BTBD9: variants seen among roughly 807,000 people sequenced by gnomAD.
BTBD9 encodes the protein BTB/POZ domain-containing protein 9.
In BTBD9, 49 loss-of-function variants were observed where a neutral mutation model predicts 64.3. That is an observed-to-expected ratio of 0.76 (90% CI 0.61 to 0.97). The LOEUF (loss-of-function observed/expected upper bound fraction) is 0.97. Among genes scored for constraint, BTBD9 ranks in the 50% least tolerant of loss-of-function variants. The probability of loss-of-function intolerance (pLI) is 0.00; values close to 1 mark genes in which losing one functional copy is unlikely to be tolerated. For synonymous variants in BTBD9, 260 were observed against 274.7 expected, an observed-to-expected ratio of 0.95 and a Z score of 0.53; for missense variants, 598 against 762.1, an observed-to-expected ratio of 0.78 and a Z score of 2.53.
chr6:38,580,014 A>G (rs1776217687), intron 5 of BTBD9, among the ~76,000 whole-genome samples: 1 of 152,258 alleles, frequency 6.6e-6, no homozygotes, highest in Admixed American at 6.5e-5. Flanking sequence ...ATAAACACAT[A>G]TTTTTATAAG....
intron 6 of BTBD9, among the ~76,000 whole-genome samples, chr6:38,533,054 G>C (rs1312739365): frequency 6.6e-6 from 1 of 151,758 alleles, no homozygotes; most frequent in African/African-American, 2.4e-5. Flanking sequence ...AATGATAACA[G>C]TGAATGTAAA....
At chr6:38,620,685 C>T (rs1239463285) in intron 1 of BTBD9, among the ~76,000 whole-genome samples, 1 of 152,172 alleles carries the variant, frequency 6.6e-6, no homozygotes, top group African/African-American at 2.4e-5. Flanking sequence ...CTAAGCTTAG[C>T]CAGAGTAACC....
chr6:38,370,629 A>C (rs563802066), intron 6 of BTBD9, among the ~76,000 whole-genome samples: 27 of 151,014 alleles, frequency 1.8e-4, no homozygotes, highest in African/African-American at 6.3e-4. Context: ...TTCATCTGCA[A>C]TGGACATCCC....
intron 8 of BTBD9, among the ~76,000 whole-genome samples, chr6:38,283,628 C>T (rs1722897585): frequency 1.3e-5 from 2 of 152,268 alleles, no homozygotes; most frequent in East Asian, 3.9e-4. Flanking sequence ...GAGACCTTTG[C>T]CTCTGTAGTC....
chr6:38,283,452 A>G (rs1050572594), intron 8 of BTBD9, among the ~76,000 whole-genome samples: 9 of 152,152 alleles, frequency 5.9e-5, no homozygotes, highest in Admixed American at 1.3e-4. Context: ...GTTCGAGACC[A>G]GCCTAGGCAA....
chr6:38,498,004 G>A (rs1772030204), intron 6 of BTBD9, among the ~76,000 whole-genome samples: 1 of 152,146 alleles, frequency 6.6e-6, no homozygotes, highest in African/African-American at 2.4e-5. Context: ...ATGCCCCTTG[G>A]TCTCAATACT....
At chr6:38,236,383 T>C (rs567000744) in intron 9 of BTBD9, among the ~76,000 whole-genome samples, 1 of 152,316 alleles carries the variant, frequency 6.6e-6, no homozygotes, top group African/African-American at 2.4e-5. Flanking sequence ...GTCTGTGACA[T>C]CATTTCAAAC....
At chr6:38,463,388 C>T (rs1374134119) in intron 6 of BTBD9, among the ~76,000 whole-genome samples, 1 of 152,208 alleles carries the variant, frequency 6.6e-6, no homozygotes, top group African/African-American at 2.4e-5. Flanking sequence ...TGCCTTACTG[C>T]ATTAGCTAGA....
chr6:38,294,648 G>A (rs753461743), intron 7 of BTBD9, among the ~76,000 whole-genome samples: 3 of 152,130 alleles, frequency 2.0e-5, no homozygotes, highest in Non-Finnish European at 4.4e-5. Context: ...ACAGGGGCCT[G>A]TCAGGGGGTG....
Position 38,177,876 on chromosome 6 carries a change from C to A in BTBD9, c.1642-2694G>T, listed in dbSNP as rs535624789. Among the ~76,000 whole-genome samples, 5 of 152,386 alleles carry A rather than the reference C, an allele frequency of 3.3e-5. 1 individual carries two copies. Among genetic ancestry groups the A allele is most frequent in the African/African-American group, 1.2e-4 (5 of 41,592 alleles). ...GACTGACAGCCAATCTCAACTGCTT[C>A]TGTGTTTTCCTATGGATATTTCTTC... On this transcript the variant is annotated intron_variant, in intron 10 of 10. Coordinates refer to ENST00000481247, the MANE Select transcript of BTBD9 (RefSeq NM_001099272.2).
rs1226583323 is a variant in BTBD9 at position 38,172,883 on chromosome 6, G to A, written c.*2102C>T. The A allele has an allele frequency of 6.6e-6, 1 of 152,264 alleles. No individual in the cohort carries two copies. Among genetic ancestry groups the A allele is most frequent in the East Asian group, 1.9e-4 (1 of 5,192 alleles). 9.4% of individuals were successfully genotyped at this position (152,264 alleles called of 1,614,324 possible). ...GCTGCCAAGCTGCTATCTCGTTCCC[G>A]GAGCACAGGAGGGCTCTGCGTGCTC... On this transcript the variant is annotated 3_prime_UTR_variant, in exon 11 of 11. Coordinates refer to ENST00000481247, the MANE Select transcript of BTBD9 (RefSeq NM_001099272.2).
chr6:38,405,100 GC>G (rs1426528693), intron 6 of BTBD9, among the ~76,000 whole-genome samples: 1 of 152,152 alleles, frequency 6.6e-6, no homozygotes. Flanking sequence ...TACAAAACTT[GC>G]CTGATGGTTG....
At chr6:38,381,731 C>G (rs1465035708) in intron 6 of BTBD9, among the ~76,000 whole-genome samples, 2 of 151,942 alleles carry the variant, frequency 1.3e-5, no homozygotes, top group Non-Finnish European at 2.9e-5. Context: ...TCACACAGAT[C>G]ACTTTCTCTA....
At chr6:38,226,542 G>A (rs1763397565) in intron 9 of BTBD9, among the ~76,000 whole-genome samples, 1 of 152,198 alleles carries the variant, frequency 6.6e-6, no homozygotes, top group Non-Finnish European at 1.5e-5. Flanking sequence ...AGGCTGAGAT[G>A]AGTCTGGCTG....
intron 1 of BTBD9, among the ~76,000 whole-genome samples, chr6:38,620,499 T>A (rs899287698): frequency 2.0e-5 from 3 of 152,184 alleles, no homozygotes; most frequent in Non-Finnish European, 4.4e-5. Context: ...CTAGGCCACT[T>A]CTCAAGTCCA....
chr6:38,213,086 C>T (rs1214634510), intron 9 of BTBD9, among the ~76,000 whole-genome samples: 1 of 151,798 alleles, frequency 6.6e-6, no homozygotes, highest in Non-Finnish European at 1.5e-5. Context: ...AAACAAAGCC[C>T]AGCCCTGACC....
intron 9 of BTBD9, among the ~76,000 whole-genome samples, chr6:38,232,269 G>C (rs1349140382): frequency 6.6e-6 from 1 of 150,972 alleles, no homozygotes; most frequent in African/African-American, 2.4e-5. Flanking sequence ...CATAGTCTCT[G>C]TTTTCTTTTT....
chr6:38,633,380 G>A (rs748387511), intron 1 of BTBD9, among the ~76,000 whole-genome samples: 2 of 152,198 alleles, frequency 1.3e-5, no homozygotes, highest in African/African-American at 4.8e-5. Flanking sequence ...TAGTAAAATG[G>A]AGATAATGTC....
intron 6 of BTBD9, among the ~76,000 whole-genome samples, chr6:38,411,216 G>A (rs759916083): frequency 5.9e-5 from 9 of 152,134 alleles, no homozygotes; most frequent in South Asian, 2.1e-4. Flanking sequence ...AATTAGATAA[G>A]TTGATTATAA....
Sources: allele counts gnomAD v4.1 joint callset (sites outside exome capture counted in the v4.1 genomes callset), GRCh38; gene constraint gnomAD v4.1.1; transcripts MANE v1.5; gene names NCBI Gene and HGNC (gene_info 2026-07-23, HGNC 2026-07-21).